Variants in METTL15 observed in about 807,000 individuals in gnomAD.
METTL15 encodes the protein methyltransferase 15, mitochondrial 12S rRNA N4-cytidine.
A neutral mutation model predicts 38.3 loss-of-function variants in METTL15; 34 were observed. That is an observed-to-expected ratio of 0.89 (90% CI 0.68 to 1.18). The LOEUF is 1.18. Ranked by LOEUF, METTL15 falls within the 50% of genes most tolerant of loss-of-function variation. The pLI, the probability that METTL15 is intolerant of heterozygous loss-of-function variation, is 0.00. For synonymous variants in METTL15, 162 were observed against 170.9 expected, an observed-to-expected ratio of 0.95 and a Z score of 0.41; for missense variants, 438 against 498.4, an observed-to-expected ratio of 0.88 and a Z score of 1.15.
At chr11:28,420,455 G>A (rs1168324070) in intron 5 of METTL15, among the ~76,000 whole-genome samples, 1 of 152,090 alleles carries the variant, frequency 6.6e-6, no homozygotes. Flanking sequence ...CTCAAGGATG[G>A]ACCTTATGTT....
intron 6 of METTL15, among the ~76,000 whole-genome samples, chr11:28,300,629 C>T (rs181592399): frequency 6.6e-6 from 1 of 152,110 alleles, no homozygotes; most frequent in Non-Finnish European, 1.5e-5. Flanking sequence ...AAGCAACTTA[C>T]AAGAGAATTC....
intron 3 of METTL15, chr11:28,134,430 G>C (rs542032821): frequency 2.5e-6 from 1 of 397,178 alleles, no homozygotes; most frequent in South Asian, 1.4e-4. Flanking sequence ...ATTTAGGCAA[G>C]GCCCCTGTGC....
chr11:28,264,897 T>C (rs1855350800), intron 4 of METTL15, among the ~76,000 whole-genome samples: 1 of 152,182 alleles, frequency 6.6e-6, no homozygotes, highest in African/African-American at 2.4e-5. Flanking sequence ...TGTAGAAAGA[T>C]ATGATCATGC....
At chr11:28,309,417 C>A (rs182671193) in intron 6 of METTL15, among the ~76,000 whole-genome samples, 5 of 152,330 alleles carry the variant, frequency 3.3e-5, no homozygotes, top group Admixed American at 2.6e-4. Context: ...ACTTCTACTT[C>A]ATCTCTTACT....
chr11:28,330,304 A>C, intron 6 of METTL15, 92 bp from the exon 7 acceptor site: 1 of 1,159,812 alleles, frequency 8.6e-7, no homozygotes, highest in African/African-American at 1.6e-5. Flanking sequence ...AGTTCACTAA[A>C]TATGCACACA....
At chr11:28,310,967 T>TGGTG (rs1302212620) in intron 6 of METTL15, among the ~76,000 whole-genome samples, 3 of 102,326 alleles carry the variant, frequency 2.9e-5, no homozygotes, top group African/African-American at 1.4e-4. Flanking sequence ...TGGTGGTGGG[T>TGGTG]GTGTGTGTGT....
chr11:28,262,426 A>G (rs1036689497), intron 4 of METTL15, among the ~76,000 whole-genome samples: 1 of 151,446 alleles, frequency 6.6e-6, no homozygotes, highest in Non-Finnish European at 1.5e-5. Flanking sequence ...ATACACAGAT[A>G]TGTACTTTCA....
In METTL15 at chr11:28,401,751, A is replaced by C. The variant is rs186202205; in HGVS notation, c.*359-22548A>C. On this transcript the variant is annotated intron_variant and NMD_transcript_variant, in intron 5 of 7. Coordinates refer to the METTL15 transcript ENST00000532947. ...GCTAGTTAAGAGTGACTAAAAAAAA[A>C]CCACTACTCCTTTGTAATTCATAAG... 3.1e-3 allele frequency among the ~76,000 whole-genome samples: 470 copies of C among 152,080 alleles called. 8 individuals carry two copies. The South Asian group carries it at 0.04, about 13-fold the overall frequency.
At chr11:28,313,425 TAATC>T (rs1015781305) in intron 6 of METTL15, among the ~76,000 whole-genome samples, 36 of 151,962 alleles carry the variant, frequency 2.4e-4, no homozygotes, top group African/African-American at 7.7e-4. Context: ...TCATTATTAA[TAATC>T]AATGATTAAT....
At chr11:28,345,025 T>G (rs1849984630) in intron 3 of METTL15, among the ~76,000 whole-genome samples, 1 of 152,226 alleles carries the variant, frequency 6.6e-6, no homozygotes, top group African/African-American at 2.4e-5. Context: ...TATTTTACAC[T>G]TACAGCACAT....
intron 3 of METTL15, among the ~76,000 whole-genome samples, chr11:28,345,565 G>GT (rs1186702524): frequency 7.2e-5 from 11 of 152,270 alleles, no homozygotes; most frequent in Admixed American, 2.0e-4. Context: ...AGAAAAAGGA[G>GT]TATAATACTT....
chr11:28,342,770 T>A (rs1849964373), intron 3 of METTL15, among the ~76,000 whole-genome samples: 1 of 152,310 alleles, frequency 6.6e-6, no homozygotes, highest in African/African-American at 2.4e-5. Context: ...CTAAATGGGA[T>A]TTTTCAGTAT....
At chr11:28,327,583 TC>T (rs1849679935) in intron 6 of METTL15, 1 of 152,492 alleles carries the variant, frequency 6.6e-6, no homozygotes, top group Admixed American at 6.5e-5. Context: ...ATTGATTTCA[TC>T]AAATGAAAGG....
At chr11:28,329,807 A>G (rs948464657) in intron 6 of METTL15, among the ~76,000 whole-genome samples, 3 of 152,106 alleles carry the variant, frequency 2.0e-5, no homozygotes, top group African/African-American at 4.8e-5. Context: ...ATGTCTTTGA[A>G]CCTTTATTTT....
chr11:28,211,229 T>A, intron 4 of METTL15, 31 bp downstream of exon 4: 1 of 1,586,348 alleles, frequency 6.3e-7, no homozygotes, highest in Non-Finnish European at 8.6e-7. Flanking sequence ...TTTATTTGAT[T>A]TTGGTTCTTA....
intron 3 of METTL15, among the ~76,000 whole-genome samples, chr11:28,341,838 TC>T (rs1169791189): frequency 1.3e-5 from 2 of 152,156 alleles, no homozygotes; most frequent in African/African-American, 4.8e-5. Context: ...TTTGCAATCT[TC>T]CATGTCATTC....
intron 3 of METTL15, among the ~76,000 whole-genome samples, chr11:28,196,355 T>G (rs1423902690): frequency 6.6e-6 from 1 of 152,120 alleles, no homozygotes; most frequent in African/African-American, 2.4e-5. Context: ...TTTCCATTTC[T>G]TTGTGTCATC....
chr11:28,400,695 G>A (rs899925776), intron 5 of METTL15, among the ~76,000 whole-genome samples: 24 of 151,910 alleles, frequency 1.6e-4, no homozygotes. Flanking sequence ...ACCCACATGA[G>A]TGTGGATAAA....
At chr11:28,216,566 C>CTT (rs199864486) in intron 4 of METTL15, among the ~76,000 whole-genome samples, 2 of 151,576 alleles carry the variant, frequency 1.3e-5, no homozygotes, top group South Asian at 2.1e-4. Flanking sequence ...TGAGAAACTT[C>CTT]TTTTTTTTAT....
Sources: allele counts gnomAD v4.1 joint callset (sites outside exome capture counted in the v4.1 genomes callset), GRCh38; gene constraint gnomAD v4.1.1; transcripts MANE v1.5; gene names NCBI Gene and HGNC (gene_info 2026-07-23, HGNC 2026-07-21).